Variants in DPP10 observed in about 807,000 individuals in gnomAD.
The protein encoded by DPP10 is dipeptidyl peptidase like 10.
A neutral mutation model predicts 120.9 loss-of-function variants in DPP10; 33 were observed. The observed-to-expected ratio is 0.27, with a 90% confidence interval of 0.21 to 0.37. DPP10 has a LOEUF of 0.37. Among genes scored for constraint, DPP10 ranks in the 10% least tolerant of loss-of-function variants. DPP10 has a pLI of 1.00. For missense variants in DPP10, 816 were observed against 942.8 expected (o/e 0.87, Z 1.76); for synonymous variants, 337 against 326.1 (o/e 1.03, Z -0.36).
intron 1 of DPP10, among the ~76,000 whole-genome samples, chr2:114,999,075 C>A (rs953780989): frequency 6.6e-6 from 1 of 152,114 alleles, no homozygotes; most frequent in African/African-American, 2.4e-5. Flanking sequence ...AGGTGTGGTG[C>A]AGTTGTAGTG....
chr2:115,161,568 C>T (rs1559163767), intron 1 of DPP10: 3 of 161,318 alleles, frequency 1.9e-5, no homozygotes, highest in Non-Finnish European at 4.0e-5. Context: ...CGGGGAGCCC[C>T]CGGGGGCGGG....
At chr2:115,728,047 C>T in intron 8 of DPP10, 111 bp downstream of exon 8, 2 of 1,264,760 alleles carry the variant, frequency 1.6e-6, no homozygotes, top group Non-Finnish European at 2.1e-6. Context: ...AGTTTCTTCT[C>T]ATTTTCTCTC....
chr2:114,799,702 A>T (rs755627174), intron 1 of DPP10, among the ~76,000 whole-genome samples: 2 of 152,170 alleles, frequency 1.3e-5, no homozygotes, highest in African/African-American at 4.8e-5. Flanking sequence ...AAAAATATGG[A>T]AGCAGTTTTT....
intron 1 of DPP10, among the ~76,000 whole-genome samples, chr2:114,936,160 T>A (rs1574519428): frequency 6.6e-6 from 1 of 152,078 alleles, no homozygotes; most frequent in East Asian, 1.9e-4. Context: ...TTTCCCCAAG[T>A]CCCCGAAGTC....
chr2:114,899,629 A>T (rs1346598931), intron 1 of DPP10, among the ~76,000 whole-genome samples: 1 of 148,152 alleles, frequency 6.7e-6, no homozygotes, highest in Non-Finnish European at 1.5e-5. Flanking sequence ...TTCTTTTCTA[A>T]TTTTTTCTTT....
chr2:115,202,100 A>ATTTAT (rs911565143), intron 1 of DPP10, among the ~76,000 whole-genome samples: 11 of 152,076 alleles, frequency 7.2e-5, no homozygotes, highest in Non-Finnish European at 1.6e-4. Flanking sequence ...CATTTTCATT[A>ATTTAT]TTTATTTTTA....
rs372151135 is a variant in DPP10 at position 114,757,395 on chromosome 2, G to GGAGA, written c.60+314567_60+314570dup. Among the ~76,000 whole-genome samples, 104 of 144,228 alleles carry GGAGA rather than the reference G, an allele frequency of 7.2e-4. 1 individual carries two copies. The highest frequency in any genetic ancestry group is 2.6e-3 in the African/African-American group (100 of 39,024). 94.6% of individuals were successfully genotyped at this position (144,228 alleles called of 152,430 possible). A position where few individuals can be genotyped will look rare whatever the true frequency, so the allele number is the denominator to read the frequency against. On this transcript the variant is annotated intron_variant, in intron 1 of 25. Transcript: ENST00000410059. ...GAAGTAAAAGAAGGAAAGGAGGGAG[G>GGAGA]GAGAGAGAGAGAGGGAAGGAAGGAA...
At chr2:115,770,452 A>G (rs1386428073) in intron 13 of DPP10, among the ~76,000 whole-genome samples, 1 of 151,948 alleles carries the variant, frequency 6.6e-6, no homozygotes, top group African/African-American at 2.4e-5. Flanking sequence ...TTTTTTTTCT[A>G]TTCTGGTTGC....
chr2:114,644,293 A>G (rs1695946481), intron 1 of DPP10, among the ~76,000 whole-genome samples: 1 of 150,344 alleles, frequency 6.7e-6, no homozygotes, highest in Non-Finnish European at 1.5e-5. Context: ...TTTTTGCCCA[A>G]CATACATAAC....
chr2:115,711,915 G>T (rs62155272), intron 7 of DPP10, among the ~76,000 whole-genome samples: 27 of 96,974 alleles, frequency 2.8e-4, no homozygotes, highest in African/African-American at 4.6e-4. Context: ...AAAATGGTCT[G>T]GTTTTTTTTT....
chr2:114,651,243 T>C (rs892658097), intron 1 of DPP10, among the ~76,000 whole-genome samples: 1 of 152,226 alleles, frequency 6.6e-6, no homozygotes, highest in African/African-American at 2.4e-5. Context: ...TTACAGGGAC[T>C]TGAAGGTATG....
intron 1 of DPP10, among the ~76,000 whole-genome samples, chr2:114,925,710 T>C (rs941505018): frequency 2.0e-5 from 3 of 152,082 alleles, no homozygotes; most frequent in African/African-American, 7.2e-5. Context: ...CCAGAGACTA[T>C]CTCCCCGAGA....
intron 1 of DPP10, among the ~76,000 whole-genome samples, chr2:115,271,253 A>G (rs2059687746): frequency 6.6e-6 from 1 of 152,216 alleles, no homozygotes; most frequent in Admixed American, 6.5e-5. Flanking sequence ...GTATTTATGA[A>G]TCAATACTGA....
At chr2:115,133,217 C>T (rs765578191) in intron 1 of DPP10, among the ~76,000 whole-genome samples, 3 of 134,142 alleles carry the variant, frequency 2.2e-5, no homozygotes, top group Non-Finnish European at 3.1e-5. Flanking sequence ...CCCATTCTGT[C>T]ACCCAGGCTG....
chr2:115,077,570 A>G (rs1707905330), intron 1 of DPP10, among the ~76,000 whole-genome samples: 1 of 152,266 alleles, frequency 6.6e-6, no homozygotes, highest in Non-Finnish European at 1.5e-5. Flanking sequence ...TTTCTTATTT[A>G]AAATTCAGGA....
At chr2:115,742,152 A>G (rs551696156) in intron 9 of DPP10, among the ~76,000 whole-genome samples, 1 of 152,246 alleles carries the variant, frequency 6.6e-6, no homozygotes, top group African/African-American at 2.4e-5. Flanking sequence ...AAATGAGCAA[A>G]TAGATTCTGA....
chr2:114,591,614 G>T (rs1691472088), intron 1 of DPP10, among the ~76,000 whole-genome samples: 1 of 148,802 alleles, frequency 6.7e-6, no homozygotes, highest in Non-Finnish European at 1.5e-5. Flanking sequence ...GAGAGCAGTG[G>T]TGCAATCTTG....
chr2:115,559,818 A>G (rs1442239492), intron 5 of DPP10, among the ~76,000 whole-genome samples: 5 of 152,162 alleles, frequency 3.3e-5, no homozygotes, highest in Non-Finnish European at 7.3e-5. Context: ...TGACAGATAT[A>G]ATTTGTTAAA....
At chr2:115,342,998 A>G (rs1000166255) in intron 2 of DPP10, among the ~76,000 whole-genome samples, 1 of 152,170 alleles carries the variant, frequency 6.6e-6, no homozygotes, top group Admixed American at 6.6e-5. Flanking sequence ...TTTATTTTCA[A>G]CCGAAGTGAA....
Sources: allele counts gnomAD v4.1 joint callset (sites outside exome capture counted in the v4.1 genomes callset), GRCh38; gene constraint gnomAD v4.1.1; transcripts MANE v1.5; gene names NCBI Gene and HGNC (gene_info 2026-07-23, HGNC 2026-07-21).